The following KIF7 variants were observed in gnomAD, a reference collection of about 807,000 sequenced individuals.
KIF7 encodes the protein kinesin-like protein KIF7.
Under a neutral mutation model 135.7 loss-of-function variants are expected in KIF7, and 104 were observed. That is an observed-to-expected ratio of 0.77 (90% confidence interval 0.65 to 0.90). The LOEUF is 0.90. Among genes scored for constraint, KIF7 ranks in the 40% least tolerant of loss-of-function variants. KIF7 has a pLI of 0.00. For synonymous variants in KIF7, 883 were observed against 809.4 expected, an observed-to-expected ratio of 1.09 and a Z score of -1.54; for missense variants, 2,005 against 1,839.1, an observed-to-expected ratio of 1.09 and a Z score of -1.65.
Position 89,649,225 on chromosome 15 carries a change from G to A in KIF7, c.672C>T (p.Thr224=), listed in dbSNP as rs1278788019. The A allele has an allele frequency of 6.5e-7, 1 of 1,546,282 alleles. No individual in the cohort carries two copies. Among genetic ancestry groups the A allele is most frequent in the Admixed American group, 2.0e-5 (1 of 50,778 alleles). The change falls in exon 4 of 19, where the codon ACC becomes ACT. Residue 224 remains threonine (T), a synonymous_variant. Coordinates refer to ENST00000394412, the MANE Select transcript of KIF7 (RefSeq NM_198525.3). The part of the protein sequence containing the change: ...SSRSHTVFTV[T]LEQRGRAPSR... ...TGGGGGCGCGCCCCCGCTGCTCCAG[G>A]GTCACGGTGAAGACCGTGTGTGAGC...
intron 11 of KIF7, among the ~76,000 whole-genome samples, chr15:89,636,144 A>G (rs1160198939): frequency 1.3e-5 from 2 of 152,120 alleles, no homozygotes; most frequent in African/African-American, 4.8e-5. Context: ...ATTTTGTCAC[A>G]CCCAGGCCTG....
chr15:89,649,201 G>A lies in KIF7; in HGVS notation c.696C>T (p.Pro232=). 2 of 1,546,144 alleles carry A rather than the reference G, an allele frequency of 1.3e-6. No individual in the cohort carries two copies. The highest frequency in any genetic ancestry group is 1.7e-6 in the Non-Finnish European group (2 of 1,145,858). Residue 232 remains proline, a synonymous_variant, in exon 4 of 19, where the codon CCC becomes CCT. Transcript: ENST00000394412. Reference sequence around the variant, plus strand: ...CCGGGGCGGGGCGGGGTAGGCGGCTGGGGGCGCGCCCCCGCTGCTCCAGGG... The same window carrying A: ...CCGGGGCGGGGCGGGGTAGGCGGCTAGGGGCGCGCCCCCGCTGCTCCAGGG... The part of the protein sequence containing the change: ...TVTLEQRGRA[P]SRLPRPAPGQ...
In KIF7 at chr15:89,630,380, C is replaced by T. The variant is rs375802364; in HGVS notation, c.3225G>A (p.Ser1075=). Residue 1075 remains serine (S), a synonymous_variant, in exon 16 of 19, where the codon TCG becomes TCA. Transcript: ENST00000394412. ...CRQRVLRASA[S]LLSQCEMNLM... is the part of the protein sequence containing the mutation. Reference sequence around the variant, plus strand: ...GGTTCATCTCGCACTGGGACAGCAACGAGGCTGAGGCCCGAAGCACCCGCT... The same window carrying T: ...GGTTCATCTCGCACTGGGACAGCAATGAGGCTGAGGCCCGAAGCACCCGCT... 1.2e-4 allele frequency: 189 copies of T among 1,613,908 alleles called. 1 individual carries two copies. The highest frequency in any genetic ancestry group is 1.2e-4 in the Non-Finnish European group (138 of 1,179,976).
rs1320572980 is a variant in KIF7, at chr15:89,648,249, G to C, written c.1443+6C>G. ...CAACCACAACCACAACCTGTCCCTC[G>C]GCCACCTTTCGCCCGCCGGCCCCCT... On this transcript the variant is annotated splice_donor_region_variant and intron_variant, in intron 5 of 18. Transcript: ENST00000394412. 2 of 1,511,770 alleles carry C rather than the reference G, an allele frequency of 1.3e-6. No individual in the cohort carries two copies. The highest frequency in any genetic ancestry group is 2.5e-5 in the East Asian group (1 of 39,606). The allele number at this position is 1,511,770 out of a possible 1,614,324, so 93.6% of individuals were successfully genotyped here.
chr15:89,623,482 G>C, downstream of KIF7: 1 of 875,956 alleles, frequency 1.1e-6, no homozygotes, highest in African/African-American at 1.7e-5. Context: ...GAGGGAAACG[G>C]GTCACTATTT....
chr15:89,620,040 C>T (rs1963399464), intron 1 of KIF7, among the ~76,000 whole-genome samples: 1 of 152,188 alleles, frequency 6.6e-6, no homozygotes, highest in Non-Finnish European at 1.5e-5. Flanking sequence ...ACTCCTACAA[C>T]TGGTCATCCA....
intron 1 of KIF7, among the ~76,000 whole-genome samples, chr15:89,654,189 T>C: frequency 6.6e-6 from 1 of 152,072 alleles, no homozygotes; most frequent in East Asian, 1.9e-4. Context: ...TTTTGTATTT[T>C]TCATAGAGAC....
chr15:89,630,507 C>T lies in KIF7; in HGVS notation c.3112-14G>A, dbSNP rs1282250426. 2 of 1,411,234 alleles carry T rather than the reference C, an allele frequency of 1.4e-6. No homozygotes were observed. The allele number at this position is 1,411,234 out of a possible 1,614,324, so 87.4% of individuals were successfully genotyped here. ...CGTCCGCTCCTCCTGCAGAGACGGG[C>T]ACGCGTGGAGGAACAGCACCCACTG... is the stretch of plus-strand genomic sequence containing the variant. On this transcript the variant is annotated splice_polypyrimidine_tract_variant and intron_variant, in intron 15 of 18. Transcript: ENST00000394412.
intron 11 of KIF7, 24 bp downstream of exon 11, chr15:89,642,179 C>G (rs1379432678): frequency 3.1e-6 from 5 of 1,607,222 alleles, no homozygotes; most frequent in Non-Finnish European, 4.2e-6. Flanking sequence ...CCCCAGCACC[C>G]CACCCTGAGG....
At chr15:89,638,158 C>A (rs538753536) in intron 11 of KIF7, among the ~76,000 whole-genome samples, 36 of 147,068 alleles carry the variant, frequency 2.4e-4, no homozygotes, top group African/African-American at 4.8e-4. Flanking sequence ...ATCTCAAAAT[C>A]ATAAGAGCTA....
At chr15:89,658,516 G>A (rs942975177), upstream of KIF7, among the ~76,000 whole-genome samples, 6 of 151,768 alleles carry the variant, frequency 4.0e-5, no homozygotes, top group Non-Finnish European at 7.4e-5. Flanking sequence ...AGTTATCCAC[G>A]TGGAAGAAAA....
At chr15:89,627,124 G>T (rs1156758969), downstream of KIF7, 3 of 1,611,732 alleles carry the variant, frequency 1.9e-6, no homozygotes, top group South Asian at 1.1e-5. Context: ...CAAGGAGTCA[G>T]CCAGGACCCT....
Position 89,628,733 on chromosome 15 carries a change from C to T in KIF7, c.3718G>A (p.Asp1240Asn). ...SEGRQAPGNE[D>N]ELHLAPELLW... ...AGCTCGGGTGCCAGGTGGAGCTCAT[C>T]TTCATTTCCAGGAGCCTGTCTGCCC... Residue 1240 changes from aspartate (D) to asparagine (N), a missense_variant, in exon 19 of 19, where the codon GAT (aspartate) becomes AAT (asparagine). Coordinates refer to ENST00000394412, the MANE Select transcript of KIF7 (RefSeq NM_198525.3). The T allele has an allele frequency of 3.7e-6, 6 of 1,612,900 alleles. No homozygotes were observed. The highest frequency in any genetic ancestry group is 5.1e-6 in the Non-Finnish European group (6 of 1,179,958).
chr15:89,629,664 C>A (rs1472879341), intron 16 of KIF7, 91 bp from the exon 17 acceptor site: 1 of 1,540,890 alleles, frequency 6.5e-7, no homozygotes, highest in Non-Finnish European at 8.8e-7. Flanking sequence ...GGCACACTTG[C>A]CACCACGGCA....
chr15:89,633,675 G>T lies in KIF7; in HGVS notation c.2592+11C>A, dbSNP rs78199895. The T allele has an allele frequency of 4.0e-3, 6,433 of 1,605,288 alleles. 143 individuals are homozygous for T. In the African/African-American group the frequency reaches 0.06, roughly 15 times the overall value. On this transcript the variant is annotated intron_variant, in intron 12 of 18. Coordinates refer to ENST00000394412, the MANE Select transcript of KIF7 (RefSeq NM_198525.3). Reference sequence around the variant, plus strand: ...CTGGACAGAAGGTCCCCACCCTGCCGTGAGCCTGACCTTGACGCGGTGCTG... The same window carrying T: ...CTGGACAGAAGGTCCCCACCCTGCCTTGAGCCTGACCTTGACGCGGTGCTG...
Position 89,630,301 on chromosome 15 carries a change from T to G in KIF7, c.3304A>C (p.Lys1102Gln), listed in dbSNP as rs1567057788. The change falls in exon 16 of 19, where the codon AAG (lysine) becomes CAG (glutamine). Residue 1102 changes from lysine to glutamine, a missense_variant. Lys to Gln is a moderately conservative substitution (Grantham distance 53). Coordinates refer to ENST00000394412, the MANE Select transcript of KIF7 (RefSeq NM_198525.3). The stretch of plus-strand genomic sequence containing the variant: ...TGCTGGCCCACCTTGTCAAAATACT[T>G]GCAGAGGAGGGCTCTGGTCTCTGAG... ...SSSETRALLC[K>Q]YFDKVVTLRE... 1 of 1,614,056 alleles carries G rather than the reference T, an allele frequency of 6.2e-7. No individual in the cohort carries two copies. Among genetic ancestry groups the G allele is most frequent in the African/African-American group, 1.3e-5 (1 of 75,014 alleles).
In KIF7 at chr15:89,649,883, C is replaced by T; in HGVS notation, c.387G>A (p.Lys129=). Residue 129 remains lysine (K), a synonymous_variant, in exon 3 of 19, where the codon AAG becomes AAA. Coordinates refer to ENST00000394412, the MANE Select transcript of KIF7 (RefSeq NM_198525.3). ...CAAGCAGGTCGTTCTCATCGATGAG[C>T]TTGAAGGCCTCGGCCATGGCCCTCG... ...IVPRAMAEAF[K]LIDENDLLDC... The T allele has an allele frequency of 6.4e-7, 1 of 1,551,776 alleles. No homozygotes were observed. The highest frequency in any genetic ancestry group is 8.7e-7 in the Non-Finnish European group (1 of 1,147,002).
chr15:89,655,097 A>C (rs1448231474), intron 1 of KIF7, among the ~76,000 whole-genome samples: 1 of 152,156 alleles, frequency 6.6e-6, no homozygotes, highest in African/African-American at 2.4e-5. Context: ...GAGCTCCATG[A>C]AAGTTGGAAG....
downstream of KIF7, chr15:89,625,920 T>C (rs774158977): frequency 1.9e-6 from 3 of 1,555,576 alleles, no homozygotes; most frequent in South Asian, 1.3e-5. Context: ...GCTCTTACTA[T>C]GTGGGATCTC....
Sources: gnomAD v4.1 joint callset for allele counts (sites outside exome capture counted in the v4.1 genomes callset) on GRCh38, gnomAD v4.1.1 for gene constraint, MANE v1.5 for transcripts, NCBI Gene and HGNC (gene_info 2026-07-23, HGNC 2026-07-21) for gene names.